PTPN9: variants seen among roughly 807,000 people sequenced by gnomAD.
PTPN9 encodes the protein tyrosine-protein phosphatase non-receptor type 9.
In PTPN9, 26 loss-of-function variants were observed where a neutral mutation model predicts 69.8. That is an observed-to-expected ratio of 0.37 (90% CI 0.27 to 0.52). The LOEUF is 0.52. PTPN9 is among the 20% of genes least tolerant of loss of function. The probability of loss-of-function intolerance (pLI) is 0.91; values close to 1 mark genes in which losing one functional copy is unlikely to be tolerated. For missense variants in PTPN9, 549 were observed against 740.3 expected, an observed-to-expected ratio of 0.74 and a Z score of 3.00; for synonymous variants, 274 against 272.5, an observed-to-expected ratio of 1.01 and a Z score of -0.05.
chr15:75,570,002 CTAG>C (rs1481445652), intron 1 of PTPN9, among the ~76,000 whole-genome samples: 1 of 151,900 alleles, frequency 6.6e-6, no homozygotes, highest in Non-Finnish European at 1.5e-5. Flanking sequence ...TGTATCTTTA[CTAG>C]AGACGGGATT....
chr15:75,496,628 C>G (rs565255438), intron 7 of PTPN9, among the ~76,000 whole-genome samples: 11 of 151,954 alleles, frequency 7.2e-5, no homozygotes, highest in African/African-American at 2.4e-4. Context: ...TCCCAAGTAG[C>G]TGGGATTACA....
intron 8 of PTPN9, among the ~76,000 whole-genome samples, chr15:75,483,700 G>A (rs1295609144): frequency 6.6e-6 from 1 of 152,204 alleles, no homozygotes; most frequent in Non-Finnish European, 1.5e-5. Context: ...TGTATGGTAT[G>A]TGAACTGTTG....
intron 1 of PTPN9, 110 bp from the exon 2 acceptor site, chr15:75,527,371 G>A (rs867559534): frequency 2.4e-6 from 3 of 1,227,838 alleles, no homozygotes; most frequent in African/African-American, 3.0e-5. Flanking sequence ...TCTGAACCCA[G>A]TTTGCTACAG....
At position 75,559,719 on chromosome 15, in the gene PTPN9, T is replaced by G. The variant is rs374866299; in HGVS notation, c.63+18995A>C. ...GCTGACCTTCCCTCCACTATTGTCC[T>G]ATGACCCTGCCAAATCCCCCTCTGC... On this transcript the variant is annotated intron_variant, in intron 1 of 12. Transcript: ENST00000618819. Among the ~76,000 whole-genome samples, 4 of 136,768 alleles carry G rather than the reference T, an allele frequency of 2.9e-5. No homozygotes were observed. The South Asian group carries it at 6.6e-4, about 23-fold the overall frequency. 89.7% of individuals were successfully genotyped at this position (136,768 alleles called of 152,430 possible).
intron 1 of PTPN9, among the ~76,000 whole-genome samples, chr15:75,576,613 G>A (rs2075174924): frequency 6.6e-6 from 1 of 151,566 alleles, no homozygotes; most frequent in Admixed American, 6.6e-5. Context: ...TTCAAGACCA[G>A]CCTGGCCAAC....
chr15:75,504,537 C>G (rs1188172105), intron 7 of PTPN9, among the ~76,000 whole-genome samples: 1 of 142,412 alleles, frequency 7.0e-6, no homozygotes. Flanking sequence ...CCCGCCCAGC[C>G]AGCCGCCCCG....
At chr15:75,483,247 A>C (rs1476559666) in intron 8 of PTPN9, among the ~76,000 whole-genome samples, 1 of 152,244 alleles carries the variant, frequency 6.6e-6, no homozygotes, top group African/African-American at 2.4e-5. Flanking sequence ...ACATAGGTGC[A>C]TACAAAAACT....
In PTPN9 at chr15:75,469,717, G is replaced by GT. The variant is rs550191295; in HGVS notation, c.1567+74_1567+75insA. On this transcript the variant is annotated intron_variant, in intron 12 of 12. Coordinates refer to ENST00000618819, the MANE Select transcript of PTPN9 (RefSeq NM_002833.4). ...GAGTTCCTTCTCCAATCACAGATGT[G>GT]GGCTAAGAGCTTTGTTTTTCCTCGT... The GT allele has an allele frequency of 3.4e-6, 5 of 1,486,136 alleles. No homozygotes were observed. In the South Asian group the frequency reaches 5.7e-5, roughly 17 times the overall value. 92.1% of individuals were successfully genotyped at this position (1,486,136 alleles called of 1,614,324 possible). A position where few individuals can be genotyped will look rare whatever the true frequency, so the allele number is the denominator to read the frequency against.
At chr15:75,480,474 G>A (rs1024158679) in intron 8 of PTPN9, among the ~76,000 whole-genome samples, 8 of 151,638 alleles carry the variant, frequency 5.3e-5, no homozygotes, top group Non-Finnish European at 1.0e-4. Context: ...CGTGAGGAGC[G>A]CAGAGGAGGT....
At chr15:75,548,513 C>G (rs1046121950) in intron 1 of PTPN9, among the ~76,000 whole-genome samples, 1 of 152,032 alleles carries the variant, frequency 6.6e-6, no homozygotes, top group African/African-American at 2.4e-5. Flanking sequence ...CTCAGCCTCC[C>G]AAAGTGCTGG....
intron 1 of PTPN9, among the ~76,000 whole-genome samples, chr15:75,547,791 G>A (rs570023326): frequency 1.3e-5 from 2 of 151,310 alleles, no homozygotes; most frequent in Non-Finnish European, 1.5e-5. Context: ...TCAGCCTCCT[G>A]AGTAGCTGGG....
Position 75,527,117 on chromosome 15 carries a change from C to T in PTPN9, c.207+1G>A. 1 of 1,614,148 alleles carries T rather than the reference C, an allele frequency of 6.2e-7. No homozygotes were observed. The highest frequency in any genetic ancestry group is 8.5e-7 in the Non-Finnish European group (1 of 1,180,024). On this transcript the variant is annotated splice_donor_variant, in intron 2 of 12. Transcript: ENST00000618819. LOFTEE classifies it high-confidence loss of function. ...GTCTGGTCTACCCCTGAGCCACATA[C>T]TCTGTAGGAGTGGAACAATTCTATG...
At chr15:75,545,467 C>A (rs951405082) in intron 1 of PTPN9, among the ~76,000 whole-genome samples, 6 of 151,782 alleles carry the variant, frequency 4.0e-5, no homozygotes, top group Middle Eastern at 3.4e-3. Context: ...AAGAGGACAG[C>A]AAAAAATTCC....
At chr15:75,475,710 T>C (rs1204702837) in intron 9 of PTPN9, among the ~76,000 whole-genome samples, 3 of 152,256 alleles carry the variant, frequency 2.0e-5, no homozygotes, top group South Asian at 4.1e-4. Flanking sequence ...CTGCTGGTTC[T>C]ACTACCCTTA....
chr15:75,567,858 T>C (rs1047116686), intron 1 of PTPN9, among the ~76,000 whole-genome samples: 1 of 151,542 alleles, frequency 6.6e-6, no homozygotes, highest in Admixed American at 6.6e-5. Flanking sequence ...TAGCCGGGCG[T>C]GGTGGCAGGC....
At chr15:75,547,910 C>T (rs191625847) in intron 1 of PTPN9, among the ~76,000 whole-genome samples, 359 of 152,316 alleles carry the variant, frequency 2.4e-3, no homozygotes, top group African/African-American at 8.3e-3. Flanking sequence ...AAGTGATCCA[C>T]TTGCCTCAGC....
intron 4 of PTPN9, among the ~76,000 whole-genome samples, chr15:75,519,753 TGA>T (rs895620470): frequency 1.3e-5 from 2 of 151,920 alleles, no homozygotes; most frequent in Non-Finnish European, 2.9e-5. Flanking sequence ...ATTACAGGTG[TGA>T]GTCACTGCGC....
At chr15:75,475,451 T>C (rs1435828203) in intron 9 of PTPN9, among the ~76,000 whole-genome samples, 1 of 152,100 alleles carries the variant, frequency 6.6e-6, no homozygotes, top group Non-Finnish European at 1.5e-5. Context: ...CGATGGCAGG[T>C]GCCTGTAATC....
chr15:75,542,272 G>A (rs914971107), intron 1 of PTPN9, among the ~76,000 whole-genome samples: 9 of 152,018 alleles, frequency 5.9e-5, no homozygotes, highest in Non-Finnish European at 8.8e-5. Flanking sequence ...TTGTTCATCC[G>A]TTAAGGGACT....
Sources: gnomAD v4.1 joint callset for allele counts (sites outside exome capture counted in the v4.1 genomes callset) on GRCh38, gnomAD v4.1.1 for gene constraint, MANE v1.5 for transcripts, NCBI Gene and HGNC (gene_info 2026-07-23, HGNC 2026-07-21) for gene names.